SNTG2: variants seen among roughly 807,000 people sequenced by gnomAD.
SNTG2 encodes syntrophin gamma 2, also known as gamma-2-syntrophin.
Under a neutral mutation model 70.9 loss-of-function variants are expected in SNTG2, and 74 were observed. The ratio of observed to expected loss-of-function variants is 1.04; its 90% CI spans 0.86 to 1.27. The LOEUF (loss-of-function observed/expected upper bound fraction) is 1.27, where lower values mean the gene tolerates loss of function less well. Ranked by LOEUF, SNTG2 falls within the 50% of genes most tolerant of loss-of-function variation. The pLI is 0.00. For missense variants in SNTG2, 717 were observed against 690.7 expected, an observed-to-expected ratio of 1.04 and a Z score of -0.43; for synonymous variants, 278 against 273.8, an observed-to-expected ratio of 1.02 and a Z score of -0.15.
At chr2:1,008,284 C>T (rs999317434) in intron 1 of SNTG2, among the ~76,000 whole-genome samples, 4 of 152,202 alleles carry the variant, frequency 2.6e-5, no homozygotes, top group Non-Finnish European at 5.9e-5. Flanking sequence ...TTGTAACACT[C>T]ACCATTTATA....
At chr2:1,034,572 C>T (rs1661027490) in intron 1 of SNTG2, among the ~76,000 whole-genome samples, 1 of 152,210 alleles carries the variant, frequency 6.6e-6, no homozygotes, top group South Asian at 2.1e-4. Flanking sequence ...TACGCTTCCA[C>T]CAACAGGGTA....
intron 13 of SNTG2, among the ~76,000 whole-genome samples, chr2:1,264,761 G>A (rs13020756): frequency 0.31 from 46,349 of 151,908 alleles, 7,937 homozygotes; most frequent in African/African-American, 0.47. Context: ...GGATCTTGCT[G>A]TGTCATCCAG....
intron 4 of SNTG2, among the ~76,000 whole-genome samples, chr2:1,126,295 C>G (rs1286717109): frequency 6.6e-6 from 1 of 152,226 alleles, no homozygotes; most frequent in Non-Finnish European, 1.5e-5. Flanking sequence ...GGTTCACCCA[C>G]TCTGCCACGA....
chr2:984,788 T>A (rs1661250625), intron 1 of SNTG2, among the ~76,000 whole-genome samples: 1 of 152,206 alleles, frequency 6.6e-6, no homozygotes, highest in Non-Finnish European at 1.5e-5. Context: ...AGGTGCTGCG[T>A]CAGCTCCACG....
At chr2:1,201,784 A>C (rs1432391705) in intron 8 of SNTG2, among the ~76,000 whole-genome samples, 2 of 151,990 alleles carry the variant, frequency 1.3e-5, no homozygotes, top group African/African-American at 4.8e-5. Context: ...AATAAAAGTA[A>C]ATGAAATGAG....
intron 9 of SNTG2, among the ~76,000 whole-genome samples, chr2:1,233,007 G>A (rs1232583561): frequency 6.6e-6 from 1 of 152,248 alleles, no homozygotes; most frequent in African/African-American, 2.4e-5. Flanking sequence ...GGTGGCCAGA[G>A]CCGACAGGGA....
chr2:1,359,058 AC>A (rs1441100182), intron 16 of SNTG2, among the ~76,000 whole-genome samples: 2 of 152,088 alleles, frequency 1.3e-5, no homozygotes, highest in African/African-American at 4.8e-5. Flanking sequence ...TCATTTTCAG[AC>A]TTTTTTTTGG....
chr2:1,252,633 TC>T (rs2148144747), intron 12 of SNTG2, among the ~76,000 whole-genome samples: 1 of 152,282 alleles, frequency 6.6e-6, no homozygotes, highest in African/African-American at 2.4e-5. Flanking sequence ...GGTGGAATAA[TC>T]TATAAAATCA....
At chr2:1,227,877 T>C (rs923045009) in intron 9 of SNTG2, among the ~76,000 whole-genome samples, 4 of 152,228 alleles carry the variant, frequency 2.6e-5, no homozygotes, top group Non-Finnish European at 5.9e-5. Flanking sequence ...CTGCATTCTG[T>C]GGCACCAAAC....
rs557235062 is a variant in SNTG2, at chr2:1,036,191, A to G, written c.73-47327A>G. On this transcript the variant is annotated intron_variant, in intron 1 of 16. Coordinates refer to ENST00000308624, the MANE Select transcript of SNTG2 (RefSeq NM_018968.4). ...TGTTATTCTTTCATTGTACTTGTAG[A>G]TTATATTTTCTTGGAGAGAAAGAGA... 2.2e-4 allele frequency among the ~76,000 whole-genome samples: 33 copies of G among 152,242 alleles called. 1 individual carries two copies. The South Asian group carries it at 6.6e-3, about 31-fold the overall frequency.
chr2:1,358,715 A>G (rs1660984770), intron 16 of SNTG2, among the ~76,000 whole-genome samples: 1 of 152,118 alleles, frequency 6.6e-6, no homozygotes, highest in Non-Finnish European at 1.5e-5. Context: ...TGAAGAAGAT[A>G]CTAGGTATGA....
At chr2:1,195,895 G>GA (rs113436793) in intron 8 of SNTG2, among the ~76,000 whole-genome samples, 5,686 of 147,712 alleles carry the variant, frequency 0.038, 345 homozygotes, top group African/African-American at 0.13. Flanking sequence ...TATTGATCAG[G>GA]AAAAAAAAAA....
intron 1 of SNTG2, among the ~76,000 whole-genome samples, chr2:960,171 C>A (rs1660301134): frequency 6.6e-6 from 1 of 152,146 alleles, no homozygotes; most frequent in Admixed American, 6.5e-5. Flanking sequence ...GGTCCTTTGC[C>A]CTTCTGTCTG....
At chr2:1,130,430 T>G (rs1367496841) in intron 4 of SNTG2, among the ~76,000 whole-genome samples, 1 of 152,208 alleles carries the variant, frequency 6.6e-6, no homozygotes, top group Admixed American at 6.5e-5. Flanking sequence ...AATAAAATCT[T>G]TTTTTGCATT....
At chr2:1,263,799 C>T (rs915663174) in intron 13 of SNTG2, among the ~76,000 whole-genome samples, 16 of 152,170 alleles carry the variant, frequency 1.1e-4, no homozygotes, top group African/African-American at 1.4e-4. Flanking sequence ...ATTTTTATCA[C>T]GATTCCATTT....
intron 2 of SNTG2, among the ~76,000 whole-genome samples, chr2:1,092,143 T>TA (rs1315078146): frequency 3.9e-5 from 6 of 152,218 alleles, no homozygotes; most frequent in Non-Finnish European, 8.8e-5. Flanking sequence ...ACTCTATGAG[T>TA]ATTTTTGAAA....
intron 14 of SNTG2, among the ~76,000 whole-genome samples, chr2:1,274,778 ATGGAAGGGGAATCGGCCTGGC>A (rs1487461316): frequency 5.9e-5 from 9 of 152,354 alleles, no homozygotes; most frequent in South Asian, 2.1e-4. Context: ...GCCAAGGTAG[ATGGAAGGGGAATCGGCCTGGC>A]TGCTGGGCCC....
intron 9 of SNTG2, among the ~76,000 whole-genome samples, chr2:1,224,683 C>T (rs536055190): frequency 9.9e-5 from 15 of 152,238 alleles, no homozygotes; most frequent in East Asian, 9.6e-4. Flanking sequence ...TATCTGGAAA[C>T]GCAAAACTAT....
intron 7 of SNTG2, among the ~76,000 whole-genome samples, chr2:1,168,101 G>A (rs1227591839): frequency 1.5e-5 from 2 of 136,626 alleles, no homozygotes; most frequent in South Asian, 2.4e-4. Flanking sequence ...GCCCACAGAC[G>A]GCAGTACTGA....
Sources: gnomAD v4.1 joint callset for allele counts (sites outside exome capture counted in the v4.1 genomes callset) on GRCh38, gnomAD v4.1.1 for gene constraint, MANE v1.5 for transcripts, NCBI Gene and HGNC (gene_info 2026-07-23, HGNC 2026-07-21) for gene names.